SNX19: variants seen among roughly 807,000 people sequenced by gnomAD.
The protein encoded by SNX19 is sorting nexin-19.
A neutral mutation model predicts 85.2 loss-of-function variants in SNX19; 60 were observed. The ratio of observed to expected loss-of-function variants is 0.70; its 90% CI spans 0.57 to 0.87. The LOEUF (loss-of-function observed/expected upper bound fraction) is 0.87. Among genes scored for constraint, SNX19 ranks in the 40% least tolerant of loss-of-function variants. SNX19 has a pLI of 0.00. For missense variants in SNX19, 1,201 were observed against 1,217.8 expected, an observed-to-expected ratio of 0.99 and a Z score of 0.21; for synonymous variants, 520 against 470.0, an observed-to-expected ratio of 1.11 and a Z score of -1.38.
rs149932030 is a variant in SNX19 at position 130,895,606 on chromosome 11, G to GGAT, written c.2573+7648_2573+7649insATC. 4.0e-3 allele frequency among the ~76,000 whole-genome samples: 609 copies of GGAT among 151,990 alleles called. 5 individuals carry two copies. The highest frequency in any genetic ancestry group is 0.013 in the African/African-American group (559 of 41,478). On this transcript the variant is annotated intron_variant, in intron 8 of 10. Coordinates refer to ENST00000265909, the MANE Select transcript of SNX19 (RefSeq NM_014758.3). The stretch of plus-strand genomic sequence containing the variant: ...GCAAGAGATGCCAAGAACCTGACTT[G>GGAT]GAAAAAAAGGCTCTGAGGTTTAAAT...
At chr11:130,884,890 A>G (rs4420278) in intron 8 of SNX19, among the ~76,000 whole-genome samples, 58,411 of 145,286 alleles carry the variant, frequency 0.4, 12,171 homozygotes, top group Admixed American at 0.47. Flanking sequence ...AAAAAAAAAA[A>G]AAATTACTTA....
intron 10 of SNX19, among the ~76,000 whole-genome samples, chr11:130,879,368 T>G (rs1399622239): frequency 2.0e-5 from 3 of 151,974 alleles, no homozygotes; most frequent in Middle Eastern, 3.2e-3. Flanking sequence ...CTGCATAGAG[T>G]TCTTCCAAAC....
At position 130,914,705 on chromosome 11, in the gene SNX19, T is replaced by C; in HGVS notation, c.1235A>G (p.Glu412Gly). The change falls in exon 1 of 11, where the codon GAA becomes GGA. Residue 412 changes from glutamate (E) to glycine (G), a missense_variant. Physicochemically the swap from Glu to Gly is moderately conservative, Grantham distance 98. Coordinates refer to ENST00000265909, the MANE Select transcript of SNX19 (RefSeq NM_014758.3). Reference protein sequence around the residue: ...LCALESSQALEPKDGEASEGA... With the variant: ...LCALESSQALGPKDGEASEGA... The stretch of plus-strand genomic sequence containing the variant: ...TTCAGATGCCTCACCATCTTTGGGT[T>C]CCAGAGCCTGGGAACTCTCTAGGGC... 6.2e-7 allele frequency: 1 copy of C among 1,614,016 alleles called. No homozygotes were observed. Among genetic ancestry groups the C allele is most frequent in the South Asian group, 1.1e-5 (1 of 91,076 alleles).
At chr11:130,885,518 ATTTCT>A (rs1174394891) in intron 8 of SNX19, among the ~76,000 whole-genome samples, 1 of 152,222 alleles carries the variant, frequency 6.6e-6, no homozygotes, top group African/African-American at 2.4e-5. Context: ...AATCCCCTTC[ATTTCT>A]TTTCTAAGAC....
Position 130,875,044 on chromosome 11 carries a change from C to T in SNX19, c.*3378G>A, listed in dbSNP as rs1592263498. Among the ~76,000 whole-genome samples, 1 of 152,154 alleles carries T rather than the reference C, an allele frequency of 6.6e-6. No homozygotes were observed. Among genetic ancestry groups the T allele is most frequent in the Non-Finnish European group, 1.5e-5 (1 of 68,032 alleles). The stretch of plus-strand genomic sequence containing the variant: ...TCTAAAATAATTAAAAGCAGGGCCT[C>T]GAAGAAACAGTCACACTCCCATGTT... On this transcript the variant is annotated 3_prime_UTR_variant, in exon 11 of 11. Transcript: ENST00000265909.
In SNX19 at chr11:130,915,386, G is replaced by C. The variant is rs1458474759; in HGVS notation, c.554C>G (p.Pro185Arg). ...GCAGTAAGCCTCCCAGAGGTGGGAA[G>C]GCTCAACTGGACCATTCTTCCCTGC... ...ATAGKNGPVE[P>R]SHLWEAYCRA... Residue 185 changes from proline to arginine, a missense_variant, in exon 1 of 11, where the codon CCT becomes CGT. Transcript: ENST00000265909. The C allele has an allele frequency of 1.9e-6, 3 of 1,614,046 alleles. No homozygotes were observed. Among genetic ancestry groups the C allele is most frequent in the Admixed American group, 3.3e-5 (2 of 60,028 alleles).
At chr11:130,913,212 A>C (rs887326911) in intron 1 of SNX19, among the ~76,000 whole-genome samples, 3 of 152,200 alleles carry the variant, frequency 2.0e-5, no homozygotes, top group African/African-American at 7.2e-5. Context: ...AATAACCAGA[A>C]GCCAACACTT....
At chr11:130,885,918 T>C (rs4456262) in intron 8 of SNX19, among the ~76,000 whole-genome samples, 56,604 of 152,130 alleles carry the variant, frequency 0.37, 12,247 homozygotes, top group South Asian at 0.56. Flanking sequence ...TTGGTACTAC[T>C]GATATTTTGG....
In SNX19 at chr11:130,875,261, A is replaced by G. The variant is rs1190487547; in HGVS notation, c.*3161T>C. Among the ~76,000 whole-genome samples, 1 of 152,220 alleles carries G rather than the reference A, an allele frequency of 6.6e-6. No individual in the cohort carries two copies. The highest frequency in any genetic ancestry group is 1.5e-5 in the Non-Finnish European group (1 of 68,034). On this transcript the variant is annotated 3_prime_UTR_variant, in exon 11 of 11. Transcript: ENST00000265909. Reference sequence around the variant, plus strand: ...AGTGAAATAAGCCAGTCAAAGGACAAACACTGCATGATTCCACTTATATGA... The same window carrying G: ...AGTGAAATAAGCCAGTCAAAGGACAGACACTGCATGATTCCACTTATATGA...
At chr11:130,896,716 G>A (rs1944899732) in intron 8 of SNX19, among the ~76,000 whole-genome samples, 1 of 152,208 alleles carries the variant, frequency 6.6e-6, no homozygotes, top group African/African-American at 2.4e-5. Flanking sequence ...AGAACTACAT[G>A]TCTATCTCAT....
chr11:130,872,750 C>T lies in SNX19; in HGVS notation c.*5672G>A, dbSNP rs938879405. Among the ~76,000 whole-genome samples the T allele has an allele frequency of 6.6e-6, 1 of 152,158 alleles. No homozygotes were observed. Among genetic ancestry groups the T allele is most frequent in the Non-Finnish European group, 1.5e-5 (1 of 68,040 alleles). ...GGCAGAGTGCGCCCAGTTAGGCCTT[C>T]GACTACAAAAGTATCATGGTTTCCC... On this transcript the variant is annotated 3_prime_UTR_variant, in exon 11 of 11. Coordinates refer to ENST00000265909, the MANE Select transcript of SNX19 (RefSeq NM_014758.3).
rs1180085870 is a variant in SNX19 at position 130,873,255 on chromosome 11, CTT to C, written c.*5165_*5166del. ...CAAGTTTTATTGGAACACAGCCACA[CTT>C]GTTTATGAATTGTCTACAACTGTTT... On this transcript the variant is annotated 3_prime_UTR_variant, in exon 11 of 11. Transcript: ENST00000265909. Among the ~76,000 whole-genome samples, 1 of 152,202 alleles carries C rather than the reference CTT, an allele frequency of 6.6e-6. No homozygotes were observed. Among genetic ancestry groups the C allele is most frequent in the East Asian group, 1.9e-4 (1 of 5,188 alleles).
At position 130,870,805 on chromosome 11, in the gene SNX19, A is replaced by C. The variant is rs12098998; in HGVS notation, c.*7617T>G. 0.057 allele frequency among the ~76,000 whole-genome samples: 8,243 copies of C among 144,618 alleles called. 330 individuals carry two copies. Among genetic ancestry groups the C allele is most frequent in the African/African-American group, 0.12 (4,630 of 38,746 alleles). The allele number at this position is 144,618 out of a possible 152,430, so 94.9% of individuals were successfully genotyped here. A position where few individuals can be genotyped will look rare whatever the true frequency, so the allele number is the denominator to read the frequency against. ...AATATTTATTTTGTACCTATCATGCACTAGGTATATACATATAGTTGGGGG... is the reference window on the plus strand; with the variant it reads ...AATATTTATTTTGTACCTATCATGCCCTAGGTATATACATATAGTTGGGGG... On this transcript the variant is annotated 3_prime_UTR_variant, in exon 11 of 11. Coordinates refer to ENST00000265909, the MANE Select transcript of SNX19 (RefSeq NM_014758.3).
chr11:130,915,601 A>C lies in SNX19; in HGVS notation c.339T>G (p.Phe113Leu). 6.2e-7 allele frequency: 1 copy of C among 1,614,238 alleles called. No homozygotes were observed. Among genetic ancestry groups the C allele is most frequent in the Admixed American group, 1.7e-5 (1 of 60,036 alleles). The change falls in exon 1 of 11, where the codon TTT becomes TTG. Residue 113 changes from phenylalanine (F) to leucine (L), a missense_variant. Transcript: ENST00000265909. ...NRTIQMIIRD[F>L]VLSWYRSVSQ... is the part of the protein sequence containing the mutation. ...TCACGGAACGGTACCAAGATAACAC[A>C]AAATCTCGAATAATCATCTGGATGG...
chr11:130,906,750 G>GA (rs1945705335), intron 5 of SNX19, 29 bp from the exon 6 acceptor site: 1 of 1,524,234 alleles, frequency 6.6e-7, no homozygotes, highest in Non-Finnish European at 9.1e-7. Context: ...GCAGAAACAG[G>GA]TTGTAATTTA....
chr11:130,885,362 G>T (rs1245237292), intron 8 of SNX19, among the ~76,000 whole-genome samples: 1 of 152,206 alleles, frequency 6.6e-6, no homozygotes, highest in African/African-American at 2.4e-5. Context: ...GGGGAATGAA[G>T]CAATGACTAA....
rs1316989141 is a variant in SNX19 at position 130,866,702 on chromosome 11, G to A, written c.*11720C>T. 1 of 152,204 alleles carries A rather than the reference G, an allele frequency of 6.6e-6. No homozygotes were observed. Among genetic ancestry groups the A allele is most frequent in the Admixed American group, 6.5e-5 (1 of 15,278 alleles). 9.4% of individuals were successfully genotyped at this position (152,204 alleles called of 1,614,324 possible). On this transcript the variant is annotated 3_prime_UTR_variant, in exon 11 of 11. Coordinates refer to ENST00000265909, the MANE Select transcript of SNX19 (RefSeq NM_014758.3). ...GCGAAAGGACTGAACAGAGTGCCAG[G>A]AGCCCTTAGCTCTAGACTTACTGAA...
rs1354069184 is a variant in SNX19, at chr11:130,873,694, T to C, written c.*4728A>G. Among the ~76,000 whole-genome samples, 1 of 152,146 alleles carries C rather than the reference T, an allele frequency of 6.6e-6. No homozygotes were observed. The highest frequency in any genetic ancestry group is 1.5e-5 in the Non-Finnish European group (1 of 68,032). ...GAACCTACCTTTAAGGGTTGATTTG[T>C]GGGTTAAATAAGTGAAGATATGTAA... On this transcript the variant is annotated 3_prime_UTR_variant, in exon 11 of 11. Coordinates refer to ENST00000265909, the MANE Select transcript of SNX19 (RefSeq NM_014758.3).
intron 8 of SNX19, chr11:130,903,017 G>A (rs1479857064): frequency 4.5e-6 from 2 of 445,768 alleles, no homozygotes; most frequent in Non-Finnish European, 4.0e-6. Flanking sequence ...ATCACACACA[G>A]TGTCTGCAAC....
Sources: allele counts gnomAD v4.1 joint callset (sites outside exome capture counted in the v4.1 genomes callset), GRCh38; gene constraint gnomAD v4.1.1; transcripts MANE v1.5; gene names NCBI Gene and HGNC (gene_info 2026-07-23, HGNC 2026-07-21).